EEIG2: variants seen among roughly 807,000 people sequenced by gnomAD.
EEIG2 encodes EEIG family member 2.
chr1:108,604,658 A>G, the EEIG2 span, among the ~76,000 whole-genome samples: 19 of 152,144 alleles, frequency 1.2e-4, no homozygotes, highest in Admixed American at 7.9e-4. Flanking sequence ...TGTGTCACCT[A>G]CTACTGAGAT....
At chr1:108,623,847 TTTTTAG>T in the EEIG2 span, among the ~76,000 whole-genome samples, 1 of 151,998 alleles carries the variant, frequency 6.6e-6, no homozygotes, top group African/African-American at 2.4e-5. Context: ...AATTTTTGTA[TTTTTAG>T]TAGAGACTGG....
the EEIG2 span, chr1:108,600,717 T>G: frequency 6.3e-7 from 1 of 1,585,428 alleles, no homozygotes; most frequent in Non-Finnish European, 8.6e-7. Flanking sequence ...TTCTTCCCTT[T>G]CAGAAACCAT....
chr1:108,569,270 A>G, the EEIG2 span, among the ~76,000 whole-genome samples: 3 of 152,206 alleles, frequency 2.0e-5, no homozygotes, highest in African/African-American at 7.2e-5. Flanking sequence ...GACCTCATCC[A>G]TTTGTCAGGA....
chr1:108,586,605 T>C, the EEIG2 span, among the ~76,000 whole-genome samples: 2 of 151,994 alleles, frequency 1.3e-5, no homozygotes, highest in Admixed American at 6.6e-5. Flanking sequence ...AAGAAGACAT[T>C]TGGGAGGGCA....
the EEIG2 span, chr1:108,629,670 A>C: frequency 6.3e-7 from 1 of 1,590,440 alleles, no homozygotes; most frequent in South Asian, 1.1e-5. Flanking sequence ...AAGTAGTACA[A>C]ATAGTGTCTT....
chr1:108,574,061 C>G, the EEIG2 span, among the ~76,000 whole-genome samples: 1 of 152,048 alleles, frequency 6.6e-6, no homozygotes, highest in African/African-American at 2.4e-5. Context: ...ATTTGGACAC[C>G]CATGTTCATA....
At chr1:108,569,813 A>T in the EEIG2 span, among the ~76,000 whole-genome samples, 142 of 152,224 alleles carry the variant, frequency 9.3e-4, no homozygotes, top group African/African-American at 2.8e-3. Context: ...GTCAGTCCAC[A>T]TTTCAGCCAT....
At chr1:108,598,185 G>A in the EEIG2 span, among the ~76,000 whole-genome samples, 1 of 151,896 alleles carries the variant, frequency 6.6e-6, no homozygotes, top group Non-Finnish European at 1.5e-5. Context: ...ACAAAAATTA[G>A]CCAGGCATGG....
chr1:108,569,003 C>G, the EEIG2 span, among the ~76,000 whole-genome samples: 1 of 152,162 alleles, frequency 6.6e-6, no homozygotes, highest in Non-Finnish European at 1.5e-5. Context: ...TCATACCACT[C>G]TTTTAGACAT....
At chr1:108,561,066 A>G in the EEIG2 span, among the ~76,000 whole-genome samples, 5 of 152,258 alleles carry the variant, frequency 3.3e-5, no homozygotes, top group South Asian at 8.3e-4. Context: ...GGCAGACGAG[A>G]CAACGGTCTG....
At chr1:108,629,502 TA>T in the EEIG2 span, 1 of 979,828 alleles carries the variant, frequency 1.0e-6, no homozygotes, top group Non-Finnish European at 1.5e-6. Flanking sequence ...TAAACAATTG[TA>T]AAATATGAAT....
the EEIG2 span, among the ~76,000 whole-genome samples, chr1:108,595,318 G>GAA: frequency 6.8e-6 from 1 of 146,366 alleles, no homozygotes; most frequent in African/African-American, 2.5e-5. Context: ...AGGGAGGGAG[G>GAA]GAAAGAATGA....
the EEIG2 span, chr1:108,628,846 T>G: frequency 6.3e-7 from 1 of 1,583,234 alleles, no homozygotes; most frequent in East Asian, 2.3e-5. Flanking sequence ...GCAATCCAGG[T>G]TTTTGTAATC....
chr1:108,562,741 A>T, the EEIG2 span, among the ~76,000 whole-genome samples: 1 of 152,138 alleles, frequency 6.6e-6, no homozygotes, highest in Admixed American at 6.5e-5. Context: ...TAAAGAGGAG[A>T]CCAGGAACTT....
chr1:108,624,443 A>AC, the EEIG2 span, among the ~76,000 whole-genome samples: 6 of 106,154 alleles, frequency 5.7e-5, no homozygotes, highest in South Asian at 6.2e-4. Context: ...AAAAAAAAAA[A>AC]AAAAAACCCT....
chr1:108,600,550 T>C, the EEIG2 span: 3 of 1,608,930 alleles, frequency 1.9e-6, no homozygotes, highest in Non-Finnish European at 2.5e-6. Flanking sequence ...ATTGGCTCTT[T>C]TTTTCTTTCC....
chr1:108,635,178 G>A, the EEIG2 span: 1 of 1,613,888 alleles, frequency 6.2e-7, no homozygotes, highest in Non-Finnish European at 8.5e-7. Context: ...ACATTTCCTT[G>A]TGGATTTAAG....
the EEIG2 span, among the ~76,000 whole-genome samples, chr1:108,596,473 G>A: frequency 0.14 from 20,782 of 151,894 alleles, 2,069 homozygotes; most frequent in African/African-American, 0.28. Context: ...TAGCACAATC[G>A]GAGGTAGAGG....
the EEIG2 span, among the ~76,000 whole-genome samples, chr1:108,580,669 T>A: frequency 6.8e-6 from 1 of 146,896 alleles, no homozygotes; most frequent in African/African-American, 2.7e-5. Context: ...AGCCACAATA[T>A]TCCCTTAAAC....
Sources: gnomAD v4.1 joint callset for allele counts (sites outside exome capture counted in the v4.1 genomes callset) on GRCh38, gnomAD v4.1.1 for gene constraint, MANE v1.5 for transcripts, NCBI Gene and HGNC (gene_info 2026-07-23, HGNC 2026-07-21) for gene names.